KCTD3: variants seen among roughly 807,000 people sequenced by gnomAD.
KCTD3 encodes the protein BTB/POZ domain-containing protein KCTD3.
In KCTD3, 41 loss-of-function variants were observed where a neutral mutation model predicts 85.8. The observed-to-expected ratio is 0.48, with a 90% CI of 0.37 to 0.62. The LOEUF (loss-of-function observed/expected upper bound fraction) is 0.62. KCTD3 is among the 20% of genes least tolerant of loss of function. KCTD3 has a pLI of 0.00. For synonymous variants in KCTD3, 338 were observed against 345.4 expected (o/e 0.98, Z 0.24); for missense variants, 724 against 989.9 (o/e 0.73, Z 3.60).
At position 215,567,473 on chromosome 1, in the gene KCTD3, T is replaced by G; in HGVS notation, c.-213T>G. 7 of 244,232 alleles carry G rather than the reference T, an allele frequency of 2.9e-5. No individual in the cohort carries two copies. The highest frequency in any genetic ancestry group is 8.5e-5 in the East Asian group (1 of 11,810). 15.1% of individuals were successfully genotyped at this position (244,232 alleles called of 1,614,324 possible). On this transcript the variant is annotated 5_prime_UTR_variant, in exon 1 of 18. Transcript: ENST00000259154. The stretch of plus-strand genomic sequence containing the variant: ...GCGAAAGGTGGAGGCCGGGCCGCCC[T>G]TGTGCACCGCAGGATTGACCCGGGA...
At position 215,611,756 on chromosome 1, in the gene KCTD3, G is replaced by A. The variant is rs1212563604; in HGVS notation, c.1466-69G>A. The A allele has an allele frequency of 3.0e-6, 3 of 997,184 alleles. No individual in the cohort carries two copies. The African/African-American group carries it at 4.9e-5, about 16-fold the overall frequency. The allele number at this position is 997,184 out of a possible 1,614,324, so 61.8% of individuals were successfully genotyped here. ...ATTCTTTTCTTATATTAATATTAAT[G>A]TTCCTTTTGTAAAATGAGAAAAAAT... On this transcript the variant is annotated intron_variant, in intron 14 of 17. Coordinates refer to ENST00000259154, the MANE Select transcript of KCTD3 (RefSeq NM_016121.5).
At position 215,567,631 on chromosome 1, in the gene KCTD3, C is replaced by T. The variant is rs963631243; in HGVS notation, c.-55C>T. 3.5e-6 allele frequency: 4 copies of T among 1,129,114 alleles called. No homozygotes were observed. The highest frequency in any genetic ancestry group is 1.6e-5 in the African/African-American group (1 of 62,348). The allele number at this position is 1,129,114 out of a possible 1,614,324, so 69.9% of individuals were successfully genotyped here. On this transcript the variant is annotated 5_prime_UTR_variant, in exon 1 of 18. Transcript: ENST00000259154. ...CGCTGCCTCGGGCTACAGCCCCGGGCTCGGCGGTCCCGGCTGGGGAAGGAG... is the reference window on the plus strand; with the variant it reads ...CGCTGCCTCGGGCTACAGCCCCGGGTTCGGCGGTCCCGGCTGGGGAAGGAG...
chr1:215,577,145 T>G lies in KCTD3; in HGVS notation c.258-525T>G, dbSNP rs560049007. Reference sequence around the variant, plus strand: ...TTCCCAAGGCTAGTCTTTTTTTTTTTTCTATTTTATTTGTTCAACAAATAT... The same window carrying G: ...TTCCCAAGGCTAGTCTTTTTTTTTTGTCTATTTTATTTGTTCAACAAATAT... On this transcript the variant is annotated intron_variant, in intron 4 of 17. Transcript: ENST00000259154. Among the ~76,000 whole-genome samples, 5 of 152,158 alleles carry G rather than the reference T, an allele frequency of 3.3e-5. No homozygotes were observed. The South Asian group carries it at 1.0e-3, about 32-fold the overall frequency.
intron 14 of KCTD3, among the ~76,000 whole-genome samples, chr1:215,608,995 C>T (rs150077901): frequency 2.6e-5 from 4 of 151,952 alleles, no homozygotes; most frequent in Non-Finnish European, 5.9e-5. Context: ...TTAAAAAGTG[C>T]GGTGAACATC....
intron 9 of KCTD3, among the ~76,000 whole-genome samples, chr1:215,591,297 TC>T (rs1211454544): frequency 4.8e-5 from 6 of 125,742 alleles, no homozygotes; most frequent in Non-Finnish European, 9.8e-5. Flanking sequence ...TTTCCTTCCT[TC>T]CTTCCTTCCT....
At chr1:215,598,666 G>A (rs1654703541) in intron 10 of KCTD3, among the ~76,000 whole-genome samples, 1 of 151,064 alleles carries the variant, frequency 6.6e-6, no homozygotes, top group African/African-American at 2.4e-5. Flanking sequence ...GAAAATGGAG[G>A]GAAATAAAAT....
In KCTD3 at chr1:215,595,467, G is replaced by A; in HGVS notation, c.929G>A (p.Trp310Ter). Residue 310 changes from tryptophan (W) to a stop codon, truncating the protein, a stop_gained, in exon 10 of 18, where the codon TGG (tryptophan) becomes TAG (stop). Transcript: ENST00000259154. LOFTEE classifies it high-confidence loss of function. ...GTGTGGAATGCTGTCACTCAGCACT[G>A]GCAGGTTAGTTTAAAGCATATTACA... ...VGVWNAVTQHWQVQDVVPITS... is the reference protein window; with the variant it reads ...VGVWNAVTQH The A allele has an allele frequency of 1.3e-6, 2 of 1,580,994 alleles. No homozygotes were observed. The highest frequency in any genetic ancestry group is 1.7e-6 in the Non-Finnish European group (2 of 1,150,148).
chr1:215,611,213 G>A (rs967464274), intron 14 of KCTD3, among the ~76,000 whole-genome samples: 5 of 151,888 alleles, frequency 3.3e-5, no homozygotes, highest in South Asian at 2.1e-4. Context: ...AGATTGAAAA[G>A]CTTCAGGGTG....
chr1:215,596,793 T>A (rs1393556475), intron 10 of KCTD3, among the ~76,000 whole-genome samples: 1 of 152,054 alleles, frequency 6.6e-6, no homozygotes, highest in African/African-American at 2.4e-5. Context: ...TTCCTCTAGG[T>A]TAGGACAGGC....
At chr1:215,578,182 G>A (rs1226300280) in intron 6 of KCTD3, 101 bp downstream of exon 6, 10 of 904,972 alleles carry the variant, frequency 1.1e-5, no homozygotes, top group Admixed American at 9.1e-5. Context: ...TGAGTTTTTT[G>A]TCTATAAATC....
chr1:215,620,015 A>G (rs763480374), intron 17 of KCTD3, 42 bp from the exon 18 acceptor site: 1 of 1,428,572 alleles, frequency 7.0e-7, no homozygotes, highest in Non-Finnish European at 9.5e-7. Context: ...GAGAAATCAC[A>G]GAGTGAAATC....
At position 215,573,856 on chromosome 1, in the gene KCTD3, T is replaced by G; in HGVS notation, c.137+17T>G. 7.0e-7 allele frequency: 1 copy of G among 1,436,424 alleles called. No homozygotes were observed. Among genetic ancestry groups the G allele is most frequent in the South Asian group, 1.2e-5 (1 of 80,604 alleles). The allele number at this position is 1,436,424 out of a possible 1,614,324, so 89.0% of individuals were successfully genotyped here. ...TTTTTCCAGGTATGTCTTATAATTC[T>G]TTAGTGTATATTTTAATACATTTAT... On this transcript the variant is annotated intron_variant, in intron 2 of 17. Coordinates refer to ENST00000259154, the MANE Select transcript of KCTD3 (RefSeq NM_016121.5).
chr1:215,598,875 C>T (rs1453467842), intron 10 of KCTD3, among the ~76,000 whole-genome samples: 1 of 151,876 alleles, frequency 6.6e-6, no homozygotes, highest in Non-Finnish European at 1.5e-5. Flanking sequence ...CTAGAGGAGC[C>T]ATATTGAAAA....
intron 3 of KCTD3, among the ~76,000 whole-genome samples, chr1:215,575,556 A>C (rs1205320992): frequency 6.6e-6 from 1 of 152,194 alleles, no homozygotes; most frequent in Non-Finnish European, 1.5e-5. Context: ...CGAAGTATTA[A>C]TTGAATTCTA....
intron 8 of KCTD3, among the ~76,000 whole-genome samples, chr1:215,585,506 A>G (rs1372048498): frequency 6.6e-6 from 1 of 152,164 alleles, no homozygotes; most frequent in African/African-American, 2.4e-5. Flanking sequence ...TGCTTTTTGC[A>G]GCGAATGTCA....
rs998199480 is a variant in KCTD3 at position 215,573,035 on chromosome 1, T to C, written c.84-751T>C. Among the ~76,000 whole-genome samples the C allele has an allele frequency of 7.9e-5, 12 of 152,200 alleles. No individual in the cohort carries two copies. In the East Asian group the frequency reaches 1.3e-3, roughly 17 times the overall value. On this transcript the variant is annotated intron_variant, in intron 1 of 17. Transcript: ENST00000259154. Reference sequence around the variant, plus strand: ...GGTTTGTTGTCCCAGTCTATTATACTGTACTTTGGTAAAGATCCTCCCTTG... The same window carrying C: ...GGTTTGTTGTCCCAGTCTATTATACCGTACTTTGGTAAAGATCCTCCCTTG...
rs1293571001 is a variant in KCTD3, at chr1:215,587,781, A to G, written c.817+1096A>G. On this transcript the variant is annotated intron_variant, in intron 9 of 17. Coordinates refer to ENST00000259154, the MANE Select transcript of KCTD3 (RefSeq NM_016121.5). ...GATTCTTTATCAAAACTCTAAAATC[A>G]TATCAGTGAACTTTTCATATTCTGT... is the stretch of plus-strand genomic sequence containing the variant. Among the ~76,000 whole-genome samples the G allele has an allele frequency of 6.6e-5, 10 of 152,234 alleles. 1 individual carries two copies. Among genetic ancestry groups the G allele is most frequent in the Admixed American group, 6.5e-4 (10 of 15,286 alleles).
At chr1:215,591,404 C>G (rs1217013080) in intron 9 of KCTD3, among the ~76,000 whole-genome samples, 1 of 151,372 alleles carries the variant, frequency 6.6e-6, no homozygotes, top group Non-Finnish European at 1.5e-5. Flanking sequence ...TGTCTCCAGG[C>G]TGGAGTGCAG....
chr1:215,609,682 G>T (rs1655158561), intron 14 of KCTD3, among the ~76,000 whole-genome samples: 1 of 151,916 alleles, frequency 6.6e-6, no homozygotes, highest in Admixed American at 6.6e-5. Context: ...CATGAGAGAG[G>T]AAGGAGTCTA....
Sources: gnomAD v4.1 joint callset for allele counts (sites outside exome capture counted in the v4.1 genomes callset) on GRCh38, gnomAD v4.1.1 for gene constraint, MANE v1.5 for transcripts, NCBI Gene and HGNC (gene_info 2026-07-23, HGNC 2026-07-21) for gene names.